The following SLC25A21 variants were observed in gnomAD, a reference collection of about 807,000 sequenced individuals.
SLC25A21 encodes the protein solute carrier family 25 member 21.
Under a neutral mutation model 43.8 loss-of-function variants are expected in SLC25A21, and 47 were observed. The ratio of observed to expected loss-of-function variants is 1.07; its 90% confidence interval spans 0.85 to 1.37. The LOEUF (loss-of-function observed/expected upper bound fraction) is 1.37, where lower values mean the gene tolerates loss of function less well. Ranked by LOEUF, SLC25A21 falls within the 40% of genes most tolerant of loss-of-function variation. SLC25A21 has a pLI of 0.00. For missense variants in SLC25A21, 352 were observed against 350.2 expected, an observed-to-expected ratio of 1.00 and a Z score of -0.04; for synonymous variants, 131 against 121.3, an observed-to-expected ratio of 1.08 and a Z score of -0.52.
intron 2 of SLC25A21, among the ~76,000 whole-genome samples, chr14:36,851,173 A>C (rs1889723074): frequency 6.6e-6 from 1 of 152,172 alleles, no homozygotes; most frequent in Admixed American, 6.6e-5. Context: ...GCCCAAAATA[A>C]AGTATGTAAG....
intron 1 of SLC25A21, among the ~76,000 whole-genome samples, chr14:36,999,178 C>A (rs907026647): frequency 3.3e-5 from 5 of 151,934 alleles, no homozygotes; most frequent in African/African-American, 1.2e-4. Context: ...TACATACAGA[C>A]AATGGAATAT....
intron 3 of SLC25A21, among the ~76,000 whole-genome samples, chr14:36,764,194 G>GAAAGAA (rs1555326650): frequency 0.038 from 3,448 of 91,582 alleles, 235 homozygotes; most frequent in Non-Finnish European, 0.058. Context: ...GAAAGAAAGA[G>GAAAGAA]AAAGAAAGAA....
rs947770287 is a variant in SLC25A21 at position 36,884,699 on chromosome 14, G to A, written c.71-9695C>T. On this transcript the variant is annotated intron_variant, in intron 1 of 9. Transcript: ENST00000331299. ...CAGGTGTGAGGTGATATCTCATTGC[G>A]GTTTTAATTTGCATTTCTCTGATGA... Among the ~76,000 whole-genome samples the A allele has an allele frequency of 1.1e-4, 16 of 152,024 alleles. 1 individual carries two copies. The highest frequency in any genetic ancestry group is 2.4e-4 in the African/African-American group (10 of 41,502).
chr14:36,832,078 G>A (rs548827023), intron 2 of SLC25A21, among the ~76,000 whole-genome samples: 5 of 152,246 alleles, frequency 3.3e-5, no homozygotes, highest in Middle Eastern at 6.8e-3. Context: ...TGTCAGTGTA[G>A]TCTTAAAGAA....
At chr14:37,081,786 T>C (rs1421437242) in intron 1 of SLC25A21, among the ~76,000 whole-genome samples, 1 of 152,182 alleles carries the variant, frequency 6.6e-6, no homozygotes, top group Non-Finnish European at 1.5e-5. Flanking sequence ...AAGACAAAAC[T>C]ATGGAAAGAA....
intron 1 of SLC25A21, among the ~76,000 whole-genome samples, chr14:36,914,977 A>C (rs1402081757): frequency 1.3e-5 from 2 of 152,166 alleles, no homozygotes; most frequent in Non-Finnish European, 2.9e-5. Context: ...ATTGATGGCC[A>C]GCTTGTTTAA....
chr14:37,077,975 C>T (rs1962314460), intron 1 of SLC25A21, among the ~76,000 whole-genome samples: 1 of 151,976 alleles, frequency 6.6e-6, no homozygotes, highest in Non-Finnish European at 1.5e-5. Context: ...AAAGACATTT[C>T]TCTATGCTCA....
chr14:37,070,769 T>C (rs1006322376), intron 1 of SLC25A21, among the ~76,000 whole-genome samples: 3 of 152,200 alleles, frequency 2.0e-5, no homozygotes, highest in Non-Finnish European at 4.4e-5. Context: ...TGGAAGTGAT[T>C]AAGATACTTG....
intron 3 of SLC25A21, among the ~76,000 whole-genome samples, chr14:36,764,192 G>GAAAGAAAGAA (rs141041432): frequency 0.043 from 2,396 of 55,100 alleles, 310 homozygotes; most frequent in East Asian, 0.093. Context: ...AAGAAAGAAA[G>GAAAGAAAGAA]AGAAAGAAAG....
chr14:37,112,571 G>A (rs567464961), intron 1 of SLC25A21, among the ~76,000 whole-genome samples: 2 of 152,076 alleles, frequency 1.3e-5, no homozygotes, highest in South Asian at 2.1e-4. Context: ...ACTATACTTC[G>A]CAGAGTCCTT....
chr14:37,169,177 G>A (rs866114229), intron 1 of SLC25A21, among the ~76,000 whole-genome samples: 1 of 152,102 alleles, frequency 6.6e-6, no homozygotes, highest in African/African-American at 2.4e-5. Flanking sequence ...GTGGTGCTAT[G>A]GGCACAGGGA....
chr14:36,681,622 T>C (rs2139134355), intron 9 of SLC25A21, among the ~76,000 whole-genome samples: 1 of 151,914 alleles, frequency 6.6e-6, no homozygotes, highest in South Asian at 2.1e-4. Context: ...TTTGGACAAA[T>C]ATCCTGAACA....
intron 5 of SLC25A21, among the ~76,000 whole-genome samples, chr14:36,728,397 T>C (rs535061244): frequency 1.2e-4 from 18 of 152,210 alleles, no homozygotes; most frequent in African/African-American, 3.6e-4. Context: ...TGTTTCTCAC[T>C]AGGAAATTTT....
At chr14:36,902,140 C>A (rs1566724872) in intron 1 of SLC25A21, among the ~76,000 whole-genome samples, 1 of 152,200 alleles carries the variant, frequency 6.6e-6, no homozygotes, top group South Asian at 2.1e-4. Flanking sequence ...TTACATGACA[C>A]ATATAACACT....
At chr14:36,886,376 C>T (rs1049442618) in intron 1 of SLC25A21, among the ~76,000 whole-genome samples, 11 of 152,160 alleles carry the variant, frequency 7.2e-5, no homozygotes, top group Non-Finnish European at 1.5e-5. Context: ...TTGAGCAAGC[C>T]ACAGCCTCCC....
At chr14:36,946,381 G>A (rs1424754902) in intron 1 of SLC25A21, among the ~76,000 whole-genome samples, 1 of 152,064 alleles carries the variant, frequency 6.6e-6, no homozygotes, top group Non-Finnish European at 1.5e-5. Flanking sequence ...AGTGAGGGTA[G>A]TTAGTTTAAA....
At chr14:36,854,270 A>C (rs1889832144) in intron 2 of SLC25A21, among the ~76,000 whole-genome samples, 1 of 152,260 alleles carries the variant, frequency 6.6e-6, no homozygotes, top group African/African-American at 2.4e-5. Context: ...AGTTTTAAAC[A>C]ATGTCAGAGA....
chr14:36,893,361 C>G (rs1891139162), intron 1 of SLC25A21, among the ~76,000 whole-genome samples: 1 of 152,158 alleles, frequency 6.6e-6, no homozygotes, highest in Non-Finnish European at 1.5e-5. Context: ...CGAGAAGTGT[C>G]TGTTCATGTC....
At chr14:36,799,528 T>C (rs1887793617) in intron 3 of SLC25A21, among the ~76,000 whole-genome samples, 1 of 152,220 alleles carries the variant, frequency 6.6e-6, no homozygotes, top group Non-Finnish European at 1.5e-5. Flanking sequence ...AAGAATAGTT[T>C]AGTGCCCTAA....
Sources: allele counts gnomAD v4.1 joint callset (sites outside exome capture counted in the v4.1 genomes callset), GRCh38; gene constraint gnomAD v4.1.1; transcripts MANE v1.5; gene names NCBI Gene and HGNC (gene_info 2026-07-23, HGNC 2026-07-21).